EYS: variants seen among roughly 807,000 people sequenced by gnomAD.
EYS encodes protein eyes shut homolog.
Under a neutral mutation model 282.1 loss-of-function variants are expected in EYS, and 250 were observed. The observed-to-expected ratio is 0.89, with a 90% CI of 0.80 to 0.98. EYS has a LOEUF of 0.98. Ranked by LOEUF, EYS falls within the 50% of genes least tolerant of loss-of-function variation. EYS has a pLI of 0.00. For synonymous variants in EYS, 1,355 were observed against 1,282.9 expected (o/e 1.06, Z -1.20); for missense variants, 4,016 against 3,709.0 (o/e 1.08, Z -2.15).
At chr6:64,466,278 T>G (rs972361705) in intron 26 of EYS, among the ~76,000 whole-genome samples, 1 of 152,062 alleles carries the variant, frequency 6.6e-6, no homozygotes, top group Admixed American at 6.6e-5. Context: ...GAAATGAGTA[T>G]GTCAAAAAAG....
At chr6:64,822,086 T>G (rs115108127) in intron 20 of EYS, among the ~76,000 whole-genome samples, 1,800 of 152,122 alleles carry the variant, frequency 0.012, 36 homozygotes, top group African/African-American at 0.04. Flanking sequence ...GGCAGGATTA[T>G]AAAAGAAAAC....
intron 36 of EYS, among the ~76,000 whole-genome samples, chr6:63,833,308 T>C (rs937728892): frequency 1.3e-5 from 2 of 152,110 alleles, no homozygotes; most frequent in Non-Finnish European, 2.9e-5. Context: ...GATTGTATAT[T>C]TAGAAAACCC....
At chr6:64,722,474 A>T (rs547540070) in intron 22 of EYS, among the ~76,000 whole-genome samples, 1 of 152,122 alleles carries the variant, frequency 6.6e-6, no homozygotes, top group Non-Finnish European at 1.5e-5. Flanking sequence ...AAGGAAGACA[A>T]CATTCTACCA....
At chr6:64,944,298 A>G (rs1769199549) in intron 15 of EYS, among the ~76,000 whole-genome samples, 1 of 152,106 alleles carries the variant, frequency 6.6e-6, no homozygotes, top group Admixed American at 6.6e-5. Context: ...ACCATTCTGG[A>G]CATCAGCCTT....
Position 64,593,145 on chromosome 6 carries a change from G to T in EYS, c.3849C>A (p.Ala1283=). ...GATCAACTGGGTAAGTGTCCATTAT[G>T]GCTGGTATTCTAGTAGCCTTTATAG... ...FPSIKATRIP[A]IMDTYPVDQG... is the part of the protein sequence containing the mutation. Residue 1283 remains alanine, a synonymous_variant, in exon 25 of 43, where the codon GCC becomes GCA. Transcript: ENST00000503581. 6.5e-7 allele frequency: 1 copy of T among 1,540,440 alleles called. No homozygotes were observed. The highest frequency in any genetic ancestry group is 1.4e-5 in the African/African-American group (1 of 72,368).
At chr6:63,836,669 A>T (rs987543180) in intron 36 of EYS, among the ~76,000 whole-genome samples, 2 of 152,052 alleles carry the variant, frequency 1.3e-5, no homozygotes, top group African/African-American at 4.8e-5. Context: ...ACAGATTTTT[A>T]AAATATTAAA....
In EYS at chr6:65,120,151, C is replaced by CAAAAAAA. The variant is rs1170415166; in HGVS notation, c.2024-62431_2024-62425dup. Among the ~76,000 whole-genome samples, 347 of 62,322 alleles carry CAAAAAAA rather than the reference C, an allele frequency of 5.6e-3. 7 individuals are homozygous for CAAAAAAA. Among genetic ancestry groups the CAAAAAAA allele is most frequent in the African/African-American group, 9.8e-3 (163 of 16,698 alleles). The allele number at this position is 62,322 out of a possible 152,430, so 40.9% of individuals were successfully genotyped here. A position where few individuals can be genotyped will look rare whatever the true frequency, so the allele number is the denominator to read the frequency against. On this transcript the variant is annotated intron_variant, in intron 12 of 42. Transcript: ENST00000503581. Reference sequence around the variant, plus strand: ...TGGGTGACAGAGCGAGACTCCGTCTCAAAAAAAAAAAAAAACAAAAACAAA... The same window carrying CAAAAAAA: ...TGGGTGACAGAGCGAGACTCCGTCTCAAAAAAAAAAAAAAAAAAAAAACAAAAACAAA...
intron 26 of EYS, among the ~76,000 whole-genome samples, chr6:64,479,124 C>A (rs755910983): frequency 6.6e-6 from 1 of 151,798 alleles, no homozygotes; most frequent in Admixed American, 6.6e-5. Flanking sequence ...CTTTAGGTAA[C>A]GTGGTATAGT....
At chr6:64,915,187 A>G (rs1768121642) in intron 15 of EYS, among the ~76,000 whole-genome samples, 1 of 152,092 alleles carries the variant, frequency 6.6e-6, no homozygotes, top group South Asian at 2.1e-4. Context: ...AAACAACTAT[A>G]CACTTACCTA....
intron 30 of EYS, among the ~76,000 whole-genome samples, chr6:64,303,339 T>C (rs1266524475): frequency 6.6e-6 from 1 of 152,228 alleles, no homozygotes; most frequent in African/African-American, 2.4e-5. Context: ...GTTTGTCTTA[T>C]GTTATTTACT....
chr6:64,477,754 T>G (rs973362665), intron 26 of EYS, among the ~76,000 whole-genome samples: 1 of 152,102 alleles, frequency 6.6e-6, no homozygotes, highest in Admixed American at 6.6e-5. Context: ...ACTACTCTAC[T>G]GAGATATTGC....
chr6:65,250,585 C>G (rs1057278057), intron 12 of EYS, among the ~76,000 whole-genome samples: 1 of 151,892 alleles, frequency 6.6e-6, no homozygotes, highest in African/African-American at 2.4e-5. Flanking sequence ...TAAAAATTAA[C>G]TCTGTTCTAT....
At chr6:65,664,550 A>G in intron 1 of EYS, among the ~76,000 whole-genome samples, 1 of 152,186 alleles carries the variant, frequency 6.6e-6, no homozygotes, top group Non-Finnish European at 1.5e-5. Flanking sequence ...AATTTGATAG[A>G]GAAAAGAAGA....
chr6:65,449,758 C>T lies in EYS; in HGVS notation c.862+40836G>A, dbSNP rs561333120. Among the ~76,000 whole-genome samples the T allele has an allele frequency of 1.2e-3, 179 of 152,036 alleles. 2 individuals carry two copies. Among genetic ancestry groups the T allele is most frequent in the African/African-American group, 4.3e-3 (177 of 41,508 alleles). On this transcript the variant is annotated intron_variant, in intron 5 of 42. Transcript: ENST00000503581. ...TACTTTCCTCAGAATATTTTGTTTCCTTTTTTTCCTCTCATTTTCCACCTT... is the reference window on the plus strand; with the variant it reads ...TACTTTCCTCAGAATATTTTGTTTCTTTTTTTTCCTCTCATTTTCCACCTT...
intron 28 of EYS, among the ~76,000 whole-genome samples, chr6:64,404,750 A>T (rs1157049954): frequency 1.3e-5 from 2 of 152,166 alleles, no homozygotes; most frequent in Non-Finnish European, 2.9e-5. Flanking sequence ...TTTGAGATGG[A>T]GTCTAAATAA....
rs148762796 is a variant in EYS, at chr6:64,955,761, A to G, written c.2260-9847T>C. Among the ~76,000 whole-genome samples, 337 of 152,260 alleles carry G rather than the reference A, an allele frequency of 2.2e-3. 4 individuals carry two copies. The highest frequency in any genetic ancestry group is 0.02 in the Admixed American group (307 of 15,296). ...GCAACGTCCCCGGGGGAGCGGGGGA[A>G]CTTTACTCCTCCTATTAAGGCAGAA... On this transcript the variant is annotated intron_variant, in intron 14 of 42. Coordinates refer to ENST00000503581, the MANE Select transcript of EYS (RefSeq NM_001142800.2).
chr6:63,976,788 C>G (rs1195352937), intron 35 of EYS, among the ~76,000 whole-genome samples: 3 of 151,892 alleles, frequency 2.0e-5, no homozygotes, highest in Non-Finnish European at 4.4e-5. Context: ...TGCCAGAATC[C>G]TGTCTTAGAG....
chr6:64,310,263 A>G (rs973006689), intron 29 of EYS, among the ~76,000 whole-genome samples: 2 of 152,172 alleles, frequency 1.3e-5, no homozygotes, highest in East Asian at 1.9e-4. Context: ...AAATCATTCT[A>G]TAATAAAGAC....
At chr6:64,019,867 T>C (rs35431369) in intron 33 of EYS, among the ~76,000 whole-genome samples, 49,655 of 144,908 alleles carry the variant, frequency 0.34, 8,557 homozygotes, top group South Asian at 0.38. Flanking sequence ...TATATATATA[T>C]ACTTACATAT....
Sources: allele counts gnomAD v4.1 joint callset (sites outside exome capture counted in the v4.1 genomes callset), GRCh38; gene constraint gnomAD v4.1.1; transcripts MANE v1.5; gene names NCBI Gene and HGNC (gene_info 2026-07-23, HGNC 2026-07-21).